IFT81: variants seen among roughly 807,000 people sequenced by gnomAD.
The protein encoded by IFT81 is intraflagellar transport 81, also known as intraflagellar transport protein 81 homolog.
Under a neutral mutation model 102.6 loss-of-function variants are expected in IFT81, and 72 were observed. The ratio of observed to expected loss-of-function variants is 0.70; its 90% CI spans 0.58 to 0.85. IFT81 has a LOEUF of 0.85. Ranked by LOEUF, IFT81 falls within the 40% of genes least tolerant of loss-of-function variation. The pLI is 0.00. For missense variants in IFT81, 723 were observed against 787.3 expected, an observed-to-expected ratio of 0.92 and a Z score of 0.98; for synonymous variants, 237 against 242.7, an observed-to-expected ratio of 0.98 and a Z score of 0.22.
intron 14 of IFT81, among the ~76,000 whole-genome samples, chr12:110,200,568 A>G (rs999063270): frequency 1.3e-5 from 2 of 152,200 alleles, no homozygotes; most frequent in Non-Finnish European, 2.9e-5. Context: ...ACTGTACACT[A>G]TGATAGACTT....
chr12:110,208,860 T>C (rs1309581427), intron 17 of IFT81, among the ~76,000 whole-genome samples: 2 of 152,214 alleles, frequency 1.3e-5, no homozygotes, highest in Non-Finnish European at 2.9e-5. Context: ...TCAAAAACAA[T>C]GTGTAATTTA....
At chr12:110,191,102 T>A in intron 13 of IFT81, 54 bp downstream of exon 13, 1 of 1,494,102 alleles carries the variant, frequency 6.7e-7, no homozygotes, top group Non-Finnish European at 9.0e-7. Context: ...AAGGCAGGTG[T>A]TTTGTGTTAG....
chr12:110,215,630 T>TA (rs1050184643), intron 18 of IFT81, among the ~76,000 whole-genome samples: 2 of 150,784 alleles, frequency 1.3e-5, no homozygotes, highest in South Asian at 2.1e-4. Context: ...CACAACTAAT[T>TA]AAAAAAAAAT....
chr12:110,157,529 TTTC>T (rs1280415574), intron 10 of IFT81, among the ~76,000 whole-genome samples: 1 of 152,088 alleles, frequency 6.6e-6, no homozygotes, highest in African/African-American at 2.4e-5. Context: ...TTTCTTGGAG[TTTC>T]TTCTTCTTCT....
intron 9 of IFT81, among the ~76,000 whole-genome samples, chr12:110,146,482 T>A (rs1361042463): frequency 6.6e-6 from 1 of 152,202 alleles, no homozygotes; most frequent in Non-Finnish European, 1.5e-5. Context: ...TTAGAAAGCA[T>A]CTTTGTGGTA....
At chr12:110,174,106 T>G (rs1198169703) in intron 11 of IFT81, among the ~76,000 whole-genome samples, 1 of 150,902 alleles carries the variant, frequency 6.6e-6, no homozygotes, top group Non-Finnish European at 1.5e-5. Context: ...TGAAACCCCA[T>G]CTCTACTAAA....
chr12:110,196,355 C>T (rs758226318), intron 14 of IFT81, among the ~76,000 whole-genome samples: 1 of 151,910 alleles, frequency 6.6e-6, no homozygotes, highest in Non-Finnish European at 1.5e-5. Flanking sequence ...TCTGTCTCTA[C>T]CAAAAAATAC....
At chr12:110,159,690 T>G (rs570456041) in intron 10 of IFT81, among the ~76,000 whole-genome samples, 1 of 152,198 alleles carries the variant, frequency 6.6e-6, no homozygotes, top group Non-Finnish European at 1.5e-5. Context: ...TGGTGGAAGA[T>G]GCAACAATGG....
intron 17 of IFT81, among the ~76,000 whole-genome samples, chr12:110,207,304 C>T (rs1345252476): frequency 1.3e-5 from 2 of 152,106 alleles, no homozygotes; most frequent in African/African-American, 2.4e-5. Flanking sequence ...AAGTGAACCA[C>T]CCTCCTCAGC....
intron 11 of IFT81, among the ~76,000 whole-genome samples, chr12:110,179,761 TATATATATATATACACACAC>T (rs1343953688): frequency 4.4e-5 from 3 of 67,940 alleles, no homozygotes; most frequent in African/African-American, 7.2e-5. Flanking sequence ...TATATATATA[TATATATATATATACACACAC>T]ACACACACAC....
chr12:110,133,706 A>G (rs1249606380), intron 5 of IFT81, among the ~76,000 whole-genome samples: 1 of 152,200 alleles, frequency 6.6e-6, no homozygotes, highest in Non-Finnish European at 1.5e-5. Flanking sequence ...TGATAAATAT[A>G]TTTAAATCTT....
chr12:110,157,571 T>C (rs890713440), intron 10 of IFT81, among the ~76,000 whole-genome samples: 20 of 152,194 alleles, frequency 1.3e-4, no homozygotes, highest in Admixed American at 2.0e-4. Context: ...TTTAATCAAA[T>C]TGATGAAGTT....
chr12:110,210,555 A>G (rs1022647995), intron 18 of IFT81, among the ~76,000 whole-genome samples: 2 of 151,814 alleles, frequency 1.3e-5, no homozygotes, highest in Non-Finnish European at 2.9e-5. Context: ...CCTGGGCAAC[A>G]TGGCAAGACC....
chr12:110,136,711 C>T, intron 7 of IFT81, 65 bp from the exon 8 acceptor site: 2 of 839,310 alleles, frequency 2.4e-6, no homozygotes, highest in East Asian at 2.7e-5. Context: ...TTTTTCATTG[C>T]TTGCCTAAGT....
chr12:110,218,041 T>C lies in IFT81; in HGVS notation c.1849-3T>C. 1.3e-6 allele frequency: 2 copies of C among 1,588,814 alleles called. No homozygotes were observed. The highest frequency in any genetic ancestry group is 1.7e-6 in the Non-Finnish European group (2 of 1,168,066). The stretch of plus-strand genomic sequence containing the variant: ...AATTATTCTTGTTTTTTTTTAATGA[T>C]AGAAACTTCGGGAAAAACAAAAAGT... On this transcript the variant is annotated splice_region_variant and splice_polypyrimidine_tract_variant and intron_variant, in intron 18 of 18. Coordinates refer to ENST00000242591, the MANE Select transcript of IFT81 (RefSeq NM_014055.4).
At chr12:110,171,739 C>A (rs1896742067) in intron 11 of IFT81, among the ~76,000 whole-genome samples, 1 of 152,192 alleles carries the variant, frequency 6.6e-6, no homozygotes, top group African/African-American at 2.4e-5. Flanking sequence ...ACTCTGAGAC[C>A]AGACTTCAGG....
In IFT81 at chr12:110,135,535, G is replaced by T. The variant is rs12300649; in HGVS notation, c.696+98G>T. 0.36 allele frequency: 251,167 copies of T among 698,178 alleles called. 49,837 individuals are homozygous for T. Among genetic ancestry groups the T allele is most frequent in the African/African-American group, 0.6 (33,187 of 55,010 alleles). 43.2% of individuals were successfully genotyped at this position (698,178 alleles called of 1,614,324 possible). On this transcript the variant is annotated intron_variant, in intron 7 of 18. Coordinates refer to ENST00000242591, the MANE Select transcript of IFT81 (RefSeq NM_014055.4). ...GAGTTTTAAAATTGTAGACGTTCAC[G>T]TTCCTTTTGCTAACATAATGGAATA...
chr12:110,179,758 A>ATG (rs1897223402), intron 11 of IFT81, among the ~76,000 whole-genome samples: 3 of 94,464 alleles, frequency 3.2e-5, no homozygotes, highest in African/African-American at 7.9e-5. Flanking sequence ...ATATATATAT[A>ATG]TATATATATA....
intron 13 of IFT81, among the ~76,000 whole-genome samples, chr12:110,191,959 T>G (rs1444419265): frequency 3.3e-5 from 5 of 151,956 alleles, no homozygotes; most frequent in Non-Finnish European, 5.9e-5. Context: ...TCACTTGAGG[T>G]CAGGAGTTCG....
Sources: allele counts gnomAD v4.1 joint callset (sites outside exome capture counted in the v4.1 genomes callset), GRCh38; gene constraint gnomAD v4.1.1; transcripts MANE v1.5; gene names NCBI Gene and HGNC (gene_info 2026-07-23, HGNC 2026-07-21).